The following CEP43 variants were observed in gnomAD, a reference collection of about 807,000 sequenced individuals.
The protein encoded by CEP43 is FGFR1 oncogene partner.
CEP43 carries 36 observed loss-of-function variants against 52.6 expected under a neutral mutation model. The observed-to-expected ratio is 0.68, with a 90% CI of 0.52 to 0.90. The LOEUF (loss-of-function observed/expected upper bound fraction) is 0.90, where lower values mean the gene tolerates loss of function less well. Ranked by LOEUF, CEP43 falls within the 40% of genes least tolerant of loss-of-function variation. CEP43 has a pLI of 0.00. For missense variants in CEP43, 506 were observed against 472.8 expected, an observed-to-expected ratio of 1.07 and a Z score of -0.65; for synonymous variants, 192 against 172.4, an observed-to-expected ratio of 1.11 and a Z score of -0.89.
At chr6:167,021,164 A>G (rs1780223114) in intron 7 of CEP43, among the ~76,000 whole-genome samples, 1 of 152,012 alleles carries the variant, frequency 6.6e-6, no homozygotes, top group Admixed American at 6.6e-5. Context: ...CTATTATTCC[A>G]CGGGTATTTT....
intron 10 of CEP43, among the ~76,000 whole-genome samples, chr6:167,029,611 A>AT (rs1318175470): frequency 3.3e-5 from 5 of 152,230 alleles, no homozygotes; most frequent in Non-Finnish European, 7.3e-5. Context: ...ACTGGCTTAA[A>AT]TTATTGTAAT....
At position 167,045,779 on chromosome 6, in the gene CEP43, A is replaced by C. The variant is rs1343120780; in HGVS notation, c.*5801A>C. On this transcript the variant is annotated 3_prime_UTR_variant, in exon 13 of 13. Transcript: ENST00000366847. ...AAAAAACGATTTTGGCATGTTTTGT[A>C]AGTTGCCAGACTATTGGATATACCT... 6.6e-6 allele frequency: 1 copy of C among 152,358 alleles called. No homozygotes were observed. The highest frequency in any genetic ancestry group is 2.4e-5 in the African/African-American group (1 of 41,468). The allele number at this position is 152,358 out of a possible 1,614,324, so 9.4% of individuals were successfully genotyped here.
intron 10 of CEP43, among the ~76,000 whole-genome samples, chr6:167,030,444 C>T (rs1028372225): frequency 3.3e-5 from 5 of 152,202 alleles, no homozygotes; most frequent in Non-Finnish European, 7.3e-5. Context: ...TTCTGGCAAG[C>T]ACTTGCAGCC....
At chr6:167,005,410 A>G (rs533647356) in intron 5 of CEP43, among the ~76,000 whole-genome samples, 39 of 152,356 alleles carry the variant, frequency 2.6e-4, no homozygotes, top group African/African-American at 9.1e-4. Flanking sequence ...ATTATTTCCA[A>G]CCATATTATG....
chr6:167,007,910 A>G (rs1046298696), intron 5 of CEP43, among the ~76,000 whole-genome samples: 18 of 152,270 alleles, frequency 1.2e-4, no homozygotes, highest in Admixed American at 7.2e-4. Flanking sequence ...GTAGGTCCTT[A>G]TATCTGTCCA....
chr6:167,003,786 CT>C lies in CEP43; in HGVS notation c.276del (p.Val93PhefsTer18). 6.2e-7 allele frequency: 1 copy of C among 1,609,874 alleles called. No homozygotes were observed. Among genetic ancestry groups the C allele is most frequent in the Non-Finnish European group, 8.5e-7 (1 of 1,176,902 alleles). On this transcript the variant is annotated frameshift_variant, in exon 4 of 13. Transcript: ENST00000366847. LOFTEE classifies it high-confidence loss of function. ...TTTTTTAACCTTGACTTTACTTTGGCTGTTTTTCAACCTGAAACTAGCACAG... is the reference window on the plus strand; with the variant it reads ...TTTTTTAACCTTGACTTTACTTTGGCGTTTTTCAACCTGAAACTAGCACAG... The part of the protein sequence containing the change: ...LQFFNLDFTL[A>X]VFQPETSTLQ...
Position 167,045,433 on chromosome 6 carries a change from T to C in CEP43, c.*5455T>C, listed in dbSNP as rs1190460161. ...CCACTGTACCCAGCCCTGTATTTTC[T>C]TTAAAAACCAATTTTGGGCCGGGCA... On this transcript the variant is annotated 3_prime_UTR_variant, in exon 13 of 13. Transcript: ENST00000366847. 1 of 150,090 alleles carries C rather than the reference T, an allele frequency of 6.7e-6. No homozygotes were observed. Among genetic ancestry groups the C allele is most frequent in the African/African-American group, 2.4e-5 (1 of 41,104 alleles). 9.3% of individuals were successfully genotyped at this position (150,090 alleles called of 1,614,324 possible).
At chr6:167,029,532 T>A (rs1416057575) in intron 10 of CEP43, among the ~76,000 whole-genome samples, 1 of 152,260 alleles carries the variant, frequency 6.6e-6, no homozygotes, top group Admixed American at 6.5e-5. Flanking sequence ...TGGATTTTAT[T>A]CAAGTTTGGT....
Position 167,042,084 on chromosome 6 carries a change from C to T in CEP43, c.*2106C>T, listed in dbSNP as rs755152928. Reference sequence around the variant, plus strand: ...TTCCTGCCTTAGCCTCCTAAAGTGCCGGGATTACAGGCGTGAACCACCGCA... The same window carrying T: ...TTCCTGCCTTAGCCTCCTAAAGTGCTGGGATTACAGGCGTGAACCACCGCA... On this transcript the variant is annotated 3_prime_UTR_variant, in exon 13 of 13. Transcript: ENST00000366847. The T allele has an allele frequency of 5.4e-5, 52 of 962,776 alleles. No individual in the cohort carries two copies. The highest frequency in any genetic ancestry group is 6.5e-5 in the Non-Finnish European group (52 of 802,720). The allele number at this position is 962,776 out of a possible 1,614,324, so 59.6% of individuals were successfully genotyped here.
intron 9 of CEP43, 38 bp downstream of exon 9, chr6:167,024,932 A>T: frequency 8.8e-7 from 1 of 1,130,240 alleles, no homozygotes; most frequent in Non-Finnish European, 1.3e-6. Flanking sequence ...TACTCGGGAT[A>T]TTTTTTCTCT....
Position 167,022,533 on chromosome 6 carries a change from T to C in CEP43, c.704T>C (p.Leu235Ser), listed in dbSNP as rs1468764692. 6.2e-7 allele frequency: 1 copy of C among 1,614,050 alleles called. No individual in the cohort carries two copies. Among genetic ancestry groups the C allele is most frequent in the Non-Finnish European group, 8.5e-7 (1 of 1,179,982 alleles). Reference sequence around the variant, plus strand: ...GGATCTTTTCTAAGCAACAGAACTTTAGATGGCAAAGACAAAGCTGGCCTT... The same window carrying C: ...GGATCTTTTCTAAGCAACAGAACTTCAGATGGCAAAGACAAAGCTGGCCTT... ...KIGSFLSNRT[L>S]DGKDKAGLCP... Residue 235 changes from leucine (L) to serine (S), a missense_variant, in exon 8 of 13, where the codon TTA (leucine) becomes TCA (serine). Coordinates refer to ENST00000366847, the MANE Select transcript of CEP43 (RefSeq NM_007045.4).
At chr6:167,011,005 G>GA (rs1779972302) in intron 6 of CEP43, 112 bp downstream of exon 6, 1 of 502,308 alleles carries the variant, frequency 2.0e-6, no homozygotes, top group Non-Finnish European at 3.4e-6. Context: ...ATAAACACAT[G>GA]GGCTCTTTAG....
chr6:167,020,669 G>A (rs1441286762), intron 7 of CEP43, among the ~76,000 whole-genome samples: 1 of 152,196 alleles, frequency 6.6e-6, no homozygotes, highest in African/African-American at 2.4e-5. Flanking sequence ...AGCACTTTGG[G>A]AGGCCGAGGC....
rs372574316 is a variant in CEP43, at chr6:167,018,869, G to A, written c.580-3540G>A. On this transcript the variant is annotated intron_variant, in intron 7 of 12. Transcript: ENST00000366847. The stretch of plus-strand genomic sequence containing the variant: ...ATAAGGGTTTTTAAAGCAGATTCCC[G>A]GGTATACATACGTATACAGATGGTC... Among the ~76,000 whole-genome samples, 5 of 151,920 alleles carry A rather than the reference G, an allele frequency of 3.3e-5. No individual in the cohort carries two copies. The East Asian group carries it at 5.8e-4, about 18-fold the overall frequency.
chr6:167,009,512 A>C (rs1779933655), intron 5 of CEP43, among the ~76,000 whole-genome samples: 1 of 149,186 alleles, frequency 6.7e-6, no homozygotes, highest in South Asian at 2.1e-4. Flanking sequence ...AAAAAAAAAA[A>C]AAAAAAAAAA....
At chr6:167,015,419 A>G (rs778000206) in intron 7 of CEP43, among the ~76,000 whole-genome samples, 11 of 152,216 alleles carry the variant, frequency 7.2e-5, no homozygotes, top group Non-Finnish European at 1.3e-4. Context: ...AGTTCCCAAC[A>G]GCCTTAACAT....
At chr6:167,007,720 T>C (rs2128658689) in intron 5 of CEP43, among the ~76,000 whole-genome samples, 1 of 152,358 alleles carries the variant, frequency 6.6e-6, no homozygotes, top group South Asian at 2.1e-4. Flanking sequence ...AAATTACTGA[T>C]GCTTTTTACC....
intron 6 of CEP43, among the ~76,000 whole-genome samples, chr6:167,012,418 A>T (rs1780006933): frequency 1.3e-5 from 2 of 152,150 alleles, no homozygotes; most frequent in Admixed American, 1.3e-4. Flanking sequence ...GTGATAGAGT[A>T]AGGTCATGAG....
chr6:167,006,331 A>T (rs1779853142), intron 5 of CEP43, among the ~76,000 whole-genome samples: 1 of 152,150 alleles, frequency 6.6e-6, no homozygotes, highest in Non-Finnish European at 1.5e-5. Context: ...CCTGGCCAAC[A>T]TGGTGAAACC....
Sources: allele counts gnomAD v4.1 joint callset (sites outside exome capture counted in the v4.1 genomes callset), GRCh38; gene constraint gnomAD v4.1.1; transcripts MANE v1.5; gene names NCBI Gene and HGNC (gene_info 2026-07-23, HGNC 2026-07-21).